The following CX3CL1 variants were observed in gnomAD, a reference collection of about 807,000 sequenced individuals.
The protein encoded by CX3CL1 is C-X3-C motif chemokine ligand 1, also known as fractalkine.
A neutral mutation model predicts 14.1 loss-of-function variants in CX3CL1; 1 was observed. The observed-to-expected ratio is 0.07, with a 90% CI of 0.03 to 0.34. The LOEUF is 0.34. Among genes scored for constraint, CX3CL1 ranks in the 10% least tolerant of loss-of-function variants. The pLI, the probability that CX3CL1 is intolerant of heterozygous loss-of-function variation, is 0.99. For synonymous variants in CX3CL1, 255 were observed against 229.6 expected (o/e 1.11, Z -1.00); for missense variants, 505 against 536.4 (o/e 0.94, Z 0.58).
rs542418023 is a variant in CX3CL1 at position 57,382,698 on chromosome 16, C to G, written c.860C>G (p.Ser287Cys). The G allele has an allele frequency of 3.7e-6, 6 of 1,612,918 alleles. No homozygotes were observed. The African/African-American group carries it at 6.7e-5, about 18-fold the overall frequency. ...GGGCCTGGCAGCATGGCCCACGTCT[C>G]TGTGGTCCCTGTCTCCTCAGAAGGG... ...DWGPGSMAHV[S>C]VVPVSSEGTP... Residue 287 changes from serine (S) to cysteine (C), a missense_variant, in exon 3 of 3, where the codon TCT becomes TGT. Ser to Cys is a moderately radical substitution (Grantham distance 112, BLOSUM62 -1). Coordinates refer to ENST00000006053, the MANE Select transcript of CX3CL1 (RefSeq NM_002996.6). This position sits in a 1 kb window ranked among gnomAD's most constrained non-coding sequence, Gnocchi z 6.9.
At chr16:57,379,544 T>G in intron 1 of CX3CL1, 90 bp from the exon 2 acceptor site, 3 of 1,550,114 alleles carry the variant, frequency 1.9e-6, no homozygotes, top group Non-Finnish European at 2.6e-6. Flanking sequence ...AGTTTTGGCT[T>G]GGGTGGTGTG....
At position 57,383,140 on chromosome 16, in the gene CX3CL1, G is replaced by A; in HGVS notation, c.*108G>A. 3 of 1,064,894 alleles carry A rather than the reference G, an allele frequency of 2.8e-6. No homozygotes were observed. The highest frequency in any genetic ancestry group is 3.7e-6 in the Non-Finnish European group (3 of 804,672). 66.0% of individuals were successfully genotyped at this position (1,064,894 alleles called of 1,614,324 possible). ...CTGGCCTGAGCTGGGATGATTGGAG[G>A]GGGGAGGTGGGATCCTCCAGGTGCA... On this transcript the variant is annotated 3_prime_UTR_variant, in exon 3 of 3. Transcript: ENST00000006053.
Position 57,382,963 on chromosome 16 carries a change from G to A in CX3CL1, c.1125G>A (p.Glu375=), listed in dbSNP as rs1902355025. 1 of 1,511,088 alleles carries A rather than the reference G, an allele frequency of 6.6e-7. No homozygotes were observed. Among genetic ancestry groups the A allele is most frequent in the South Asian group, 1.3e-5 (1 of 74,460 alleles). 93.6% of individuals were successfully genotyped at this position (1,511,088 alleles called of 1,614,324 possible). A position where few individuals can be genotyped will look rare whatever the true frequency, so the allele number is the denominator to read the frequency against. The change falls in exon 3 of 3, where the codon GAG becomes GAA. Residue 375 remains glutamate, a synonymous_variant. Transcript: ENST00000006053. This position sits in a 1 kb window ranked among gnomAD's most constrained non-coding sequence, Gnocchi z 6.9. ...LQGCPRKMAG[E]MAEGLRYIPR... is the part of the protein sequence containing the mutation. ...GCTGCCCTCGAAAGATGGCAGGAGA[G>A]ATGGCGGAGGGCCTTCGCTACATCC... is the stretch of plus-strand genomic sequence containing the variant.
At position 57,379,695 on chromosome 16, in the gene CX3CL1, T is replaced by C. The variant is rs149634321; in HGVS notation, c.132T>C (p.Pro44=). The change falls in exon 2 of 3, where the codon CCT becomes CCC. Residue 44 remains proline, a synonymous_variant. Coordinates refer to ENST00000006053, the MANE Select transcript of CX3CL1 (RefSeq NM_002996.6). ...ITCSKMTSKI[P]VALLIHYQQN... ...GCAGCAAGATGACATCAAAGATACC[T>C]GTAGCTTTGCTCATCCACTATCAAC... is the stretch of plus-strand genomic sequence containing the variant. 45 of 1,614,026 alleles carry C rather than the reference T, an allele frequency of 2.8e-5. No homozygotes were observed. The highest frequency in any genetic ancestry group is 1.6e-4 in the Middle Eastern group (1 of 6,062).
chr16:57,381,255 C>T (rs942789461), intron 2 of CX3CL1, among the ~76,000 whole-genome samples: 8 of 152,136 alleles, frequency 5.3e-5, no homozygotes, highest in Admixed American at 3.3e-4. Flanking sequence ...AAGCACAGGC[C>T]GTGGCATGGA....
intron 2 of CX3CL1, among the ~76,000 whole-genome samples, chr16:57,381,549 C>T (rs1902319671): frequency 6.6e-6 from 1 of 151,998 alleles, no homozygotes; most frequent in Non-Finnish European, 1.5e-5. Context: ...CCTGAAGTCC[C>T]CCCCAGCAGA....
Position 57,382,205 on chromosome 16 carries a change from G to T in CX3CL1, c.367G>T (p.Glu123Ter), listed in dbSNP as rs768466129. The T allele has an allele frequency of 6.2e-7, 1 of 1,613,292 alleles. No individual in the cohort carries two copies. Among genetic ancestry groups the T allele is most frequent in the Admixed American group, 1.7e-5 (1 of 60,000 alleles). ...RTTPAAGGMD[E>*]SVVLEPEATG... ...CACCCCTGCCGCCGGGGGAATGGAC[G>T]AGTCTGTGGTCCTGGAGCCCGAAGC... The change falls in exon 3 of 3, where the codon GAG becomes TAG. Residue 123 changes from glutamate (E) to a stop codon, truncating the protein, a stop_gained. Transcript: ENST00000006053. LOFTEE classifies it low-confidence loss of function (END_TRUNC). The surrounding 1 kb of genome is among the most constrained non-coding windows in gnomAD (Gnocchi z 6.9).
At chr16:57,381,767 C>T (rs1358554183) in intron 2 of CX3CL1, among the ~76,000 whole-genome samples, 1 of 152,084 alleles carries the variant, frequency 6.6e-6, no homozygotes, top group African/African-American at 2.4e-5. Context: ...TCCTAAGCAC[C>T]CCCTCCATCC....
chr16:57,383,056 G>A lies in CX3CL1; in HGVS notation c.*24G>A. The A allele has an allele frequency of 7.2e-7, 1 of 1,388,438 alleles. No individual in the cohort carries two copies. The highest frequency in any genetic ancestry group is 2.1e-5 in the South Asian group (1 of 47,860). 86.0% of individuals were successfully genotyped at this position (1,388,438 alleles called of 1,614,324 possible). A position where few individuals can be genotyped will look rare whatever the true frequency, so the allele number is the denominator to read the frequency against. On this transcript the variant is annotated 3_prime_UTR_variant, in exon 3 of 3. Coordinates refer to ENST00000006053, the MANE Select transcript of CX3CL1 (RefSeq NM_002996.6). ...GAACTCCTCTGGCCTGTGTCTAGTT[G>A]TTTGATTCAGACAGCTGCCTGGGAT...
chr16:57,379,529 G>A, intron 1 of CX3CL1, 105 bp from the exon 2 acceptor site: 1 of 1,439,796 alleles, frequency 6.9e-7, no homozygotes, highest in Non-Finnish European at 9.5e-7. Flanking sequence ...GGTGTACAGG[G>A]GATCAGTTTT....
At chr16:57,375,138 T>TAAA (rs572966437) in intron 1 of CX3CL1, among the ~76,000 whole-genome samples, 3 of 95,304 alleles carry the variant, frequency 3.1e-5, no homozygotes, top group Non-Finnish European at 7.8e-5. Context: ...AGAGTCCATT[T>TAAA]AAAAAAAAAA....
At chr16:57,372,779 G>A (rs537781239) in intron 1 of CX3CL1, 141 bp downstream of exon 1, 6 of 766,876 alleles carry the variant, frequency 7.8e-6, no homozygotes, top group South Asian at 1.7e-5. Context: ...AGGGATGTGC[G>A]AGAGGGGGCT....
At chr16:57,381,692 T>C (rs1218989624) in intron 2 of CX3CL1, among the ~76,000 whole-genome samples, 1 of 152,102 alleles carries the variant, frequency 6.6e-6, no homozygotes, top group African/African-American at 2.4e-5. Context: ...AACACAGAAG[T>C]AGGGTGATCA....
chr16:57,382,317 G>A lies in CX3CL1; in HGVS notation c.479G>A (p.Gly160Asp). ...ALGTSPELPT[G>D]VTGSSGTRLP... ...GGGACCTCCCCAGAGCTGCCGACGG[G>A]CGTGACTGGTTCCTCAGGGACCAGG... The change falls in exon 3 of 3, where the codon GGC becomes GAC. Residue 160 changes from glycine to aspartate, a missense_variant. Gly to Asp is a moderately conservative substitution (Grantham distance 94). Transcript: ENST00000006053. The surrounding 1 kb of genome is among the most constrained non-coding windows in gnomAD (Gnocchi z 6.9). The A allele has an allele frequency of 6.2e-7, 1 of 1,605,216 alleles. No homozygotes were observed. Among genetic ancestry groups the A allele is most frequent in the African/African-American group, 1.3e-5 (1 of 74,890 alleles).
chr16:57,373,082 C>T (rs1289674730), intron 1 of CX3CL1, among the ~76,000 whole-genome samples: 1 of 152,166 alleles, frequency 6.6e-6, no homozygotes, highest in East Asian at 1.9e-4. Context: ...TTGGGACTTT[C>T]TCCTGTCCTG....
chr16:57,381,838 G>C (rs1374740750), intron 2 of CX3CL1, among the ~76,000 whole-genome samples, 192 bp from the exon 3 acceptor site: 1 of 152,112 alleles, frequency 6.6e-6, no homozygotes, highest in Non-Finnish European at 1.5e-5. Flanking sequence ...TCCATTTCTA[G>C]GGTGAGGACC....
chr16:57,381,446 G>A (rs1483490095), intron 2 of CX3CL1, among the ~76,000 whole-genome samples: 1 of 152,088 alleles, frequency 6.6e-6, no homozygotes, highest in Non-Finnish European at 1.5e-5. Flanking sequence ...CCGGAGCACA[G>A]CCTGTAGCTG....
At chr16:57,376,948 G>A (rs1038940633) in intron 1 of CX3CL1, 3 of 152,200 alleles carry the variant, frequency 2.0e-5, no homozygotes, top group African/African-American at 7.2e-5. Context: ...TTTACAGAAA[G>A]GAAAATTTCA....
chr16:57,375,410 C>T (rs1383852464), intron 1 of CX3CL1, among the ~76,000 whole-genome samples: 1 of 152,136 alleles, frequency 6.6e-6, no homozygotes, highest in Non-Finnish European at 1.5e-5. Flanking sequence ...TTGAGCTACT[C>T]GCCTCTAGTG....
Sources: gnomAD v4.1 joint callset for allele counts (sites outside exome capture counted in the v4.1 genomes callset) on GRCh38, gnomAD v4.1.1 for gene constraint, Gnocchi (gnomAD v3.1) non-coding constraint, MANE v1.5 for transcripts, NCBI Gene and HGNC (gene_info 2026-07-23, HGNC 2026-07-21) for gene names.